The following DPYSL4 variants were observed in gnomAD, a reference collection of about 807,000 sequenced individuals.
DPYSL4 encodes the protein dihydropyrimidinase-related protein 4.
In DPYSL4, 43 loss-of-function variants were observed where a neutral mutation model predicts 63.4. The observed-to-expected ratio is 0.68, with a 90% CI of 0.53 to 0.88. DPYSL4 has a LOEUF of 0.88. Ranked by LOEUF, DPYSL4 falls within the 40% of genes least tolerant of loss-of-function variation. DPYSL4 has a pLI of 0.00. For synonymous variants in DPYSL4, 353 were observed against 331.7 expected, an observed-to-expected ratio of 1.06 and a Z score of -0.70; for missense variants, 733 against 819.5, an observed-to-expected ratio of 0.89 and a Z score of 1.29.
chr10:132,199,503 C>T (rs992809165), intron 8 of DPYSL4, among the ~76,000 whole-genome samples: 34 of 152,134 alleles, frequency 2.2e-4, no homozygotes, highest in African/African-American at 7.9e-4. Context: ...CCCCAGCAAT[C>T]ACTGGGGCTG....
At chr10:132,193,133 G>A (rs925480184) in intron 3 of DPYSL4, among the ~76,000 whole-genome samples, 7 of 152,126 alleles carry the variant, frequency 4.6e-5, no homozygotes, top group East Asian at 1.9e-4. Context: ...TCGGAGTTGG[G>A]GGTTGGAAAA....
At chr10:132,198,063 G>A (rs1029936394) in intron 6 of DPYSL4, among the ~76,000 whole-genome samples, 2 of 152,222 alleles carry the variant, frequency 1.3e-5, no homozygotes, top group African/African-American at 4.8e-5. Context: ...CTGACCTGCA[G>A]AGCCCTCCCT....
Position 132,204,945 on chromosome 10 carries a change from C to G in DPYSL4, c.*15C>G, listed in dbSNP as rs753689740. ...CTCTCTCCTAGACGCCCAGGACCGG[C>G]CCTGTGAGCCGTGCTGGCCCCACCC... is the stretch of plus-strand genomic sequence containing the variant. On this transcript the variant is annotated 3_prime_UTR_variant, in exon 14 of 14. Transcript: ENST00000338492. The G allele has an allele frequency of 3.7e-6, 6 of 1,602,594 alleles. No individual in the cohort carries two copies. The East Asian group carries it at 1.3e-4, about 36-fold the overall frequency.
intron 1 of DPYSL4, among the ~76,000 whole-genome samples, chr10:132,187,626 C>T (rs1012504785): frequency 1.3e-5 from 2 of 152,216 alleles, no homozygotes; most frequent in African/African-American, 2.4e-5. Context: ...GCTCTTTGTC[C>T]GAGACAAAGC....
intron 3 of DPYSL4, 78 bp downstream of exon 3, chr10:132,192,920 G>A: frequency 1.4e-6 from 2 of 1,438,312 alleles, no homozygotes; most frequent in Non-Finnish European, 1.9e-6. Flanking sequence ...GTGTGTGGGA[G>A]GAGGAGTGTC....
Position 132,198,890 on chromosome 10 carries a change from A to T in DPYSL4, c.730A>T (p.Lys244Ter). The change falls in exon 8 of 14, where the codon AAG becomes TAG. Residue 244 changes from lysine to a stop codon, truncating the protein, a stop_gained. Coordinates refer to ENST00000338492, the MANE Select transcript of DPYSL4 (RefSeq NM_006426.3). LOFTEE classifies it high-confidence loss of function. ...GGTGTACCGAGCTGTCACCATCGCCAAGCAGGCAAACTGCCCGCTGTACGT... is the reference window on the plus strand; with the variant it reads ...GGTGTACCGAGCTGTCACCATCGCCTAGCAGGCAAACTGCCCGCTGTACGT... ...EAVYRAVTIA[K>*]QANCPLYVTK... 1.9e-6 allele frequency: 3 copies of T among 1,612,986 alleles called. No individual in the cohort carries two copies. Among genetic ancestry groups the T allele is most frequent in the African/African-American group, 1.3e-5 (1 of 75,056 alleles).
At chr10:132,188,211 G>A (rs932404306) in intron 1 of DPYSL4, among the ~76,000 whole-genome samples, 1 of 152,150 alleles carries the variant, frequency 6.6e-6, no homozygotes, top group African/African-American at 2.4e-5. Flanking sequence ...AGTGCGGAGG[G>A]GCAGCTGCTT....
intron 6 of DPYSL4, among the ~76,000 whole-genome samples, 194 bp downstream of exon 6, chr10:132,197,295 G>A (rs761325271): frequency 3.9e-5 from 6 of 152,224 alleles, no homozygotes; most frequent in Non-Finnish European, 8.8e-5. Flanking sequence ...AGAGACTGGG[G>A]GGTGATGGGG....
At chr10:132,200,619 C>G in intron 9 of DPYSL4, 107 bp downstream of exon 9, 3 of 1,453,000 alleles carry the variant, frequency 2.1e-6, no homozygotes, top group Non-Finnish European at 2.8e-6. Flanking sequence ...TAGGGCAGCC[C>G]GGACAGTGGC....
rs994592559 is a variant in DPYSL4 at position 132,203,870 on chromosome 10, G to A, written c.1570G>A (p.Gly524Ser). ...CGCTCCGGCCCGCGCGTCCTGCCCA[G>A]GCAAGATCTCCGTCCCTCCTGTGCG... ...SGAPARASCP[G>S]KISVPPVRNL... The change falls in exon 13 of 14, where the codon GGC (glycine) becomes AGC (serine). Residue 524 changes from glycine (G) to serine (S), a missense_variant. By Grantham distance (56) the Gly-to-Ser change is moderately conservative. Coordinates refer to ENST00000338492, the MANE Select transcript of DPYSL4 (RefSeq NM_006426.3). The A allele has an allele frequency of 8.7e-6, 14 of 1,613,062 alleles. No homozygotes were observed. The highest frequency in any genetic ancestry group is 2.2e-5 in the East Asian group (1 of 44,862).
chr10:132,194,902 G>A lies in DPYSL4; in HGVS notation c.371G>A (p.Arg124Gln), dbSNP rs775228286. The A allele has an allele frequency of 1.7e-5, 27 of 1,612,552 alleles. No individual in the cohort carries two copies. Among genetic ancestry groups the A allele is most frequent in the Middle Eastern group, 1.6e-4 (1 of 6,078 alleles). ...CTGCTGGCGGCCTACGAGCAGTGGC[G>A]GGAGCGGGCGGACAGCGCGGCCTGC... Reference protein sequence around the residue: ...VSLLAAYEQWRERADSAACCD... With the variant: ...VSLLAAYEQWQERADSAACCD... Residue 124 changes from arginine to glutamine, a missense_variant, in exon 4 of 14, where the codon CGG becomes CAG. Arg to Gln is a conservative substitution (Grantham distance 43). Transcript: ENST00000338492.
chr10:132,192,369 C>G, intron 2 of DPYSL4: 2 of 1,065,192 alleles, frequency 1.9e-6, no homozygotes, highest in African/African-American at 3.3e-5. Context: ...GTTTGTCAAG[C>G]TGCTCCGTCC....
chr10:132,199,415 T>C (rs1590101637), intron 8 of DPYSL4, among the ~76,000 whole-genome samples: 1 of 150,806 alleles, frequency 6.6e-6, no homozygotes, highest in Non-Finnish European at 1.5e-5. Flanking sequence ...GGCGGGGGGG[T>C]GCCACCCAGA....
At chr10:132,199,214 C>T (rs751816453) in intron 8 of DPYSL4, among the ~76,000 whole-genome samples, 8 of 152,138 alleles carry the variant, frequency 5.3e-5, no homozygotes, top group African/African-American at 1.7e-4. Flanking sequence ...AACATGGGGA[C>T]GCTCATCCCA....
chr10:132,204,869 G>T lies in DPYSL4; in HGVS notation c.1658G>T (p.Arg553Leu). The part of the protein sequence containing the change: ...GSQADDHIAR[R>L]TAQKIMAPPG... Reference sequence around the variant, plus strand: ...CAGGCTGATGACCACATCGCCCGACGCACAGCACAGAAGATCATGGCACCA... The same window carrying T: ...CAGGCTGATGACCACATCGCCCGACTCACAGCACAGAAGATCATGGCACCA... The change falls in exon 14 of 14, where the codon CGC becomes CTC. Residue 553 changes from arginine (R) to leucine (L), a missense_variant. Arg to Leu is a moderately radical substitution (Grantham distance 102, BLOSUM62 -2). Transcript: ENST00000338492. The T allele has an allele frequency of 6.2e-7, 1 of 1,612,506 alleles. No homozygotes were observed. The highest frequency in any genetic ancestry group is 8.5e-7 in the Non-Finnish European group (1 of 1,179,184).
rs1213891339 is a variant in DPYSL4 at position 132,194,995 on chromosome 10, T to C, written c.464T>C (p.Leu155Pro). The change falls in exon 4 of 14, where the codon CTG (leucine) becomes CCG (proline). Residue 155 changes from leucine to proline, a missense_variant. Leu to Pro is a moderately conservative substitution (Grantham distance 98, BLOSUM62 -3). Transcript: ENST00000338492. ...AGCATCAAGGAGGAGCTGGAGGCCCTGGTCAAGGAGAAGGGTGAGGGTGGC... is the reference window on the plus strand; with the variant it reads ...AGCATCAAGGAGGAGCTGGAGGCCCCGGTCAAGGAGAAGGGTGAGGGTGGC... ...HESIKEELEALVKEKGVNSFL... is the reference protein window; with the variant it reads ...HESIKEELEAPVKEKGVNSFL... 7 of 1,604,614 alleles carry C rather than the reference T, an allele frequency of 4.4e-6. No individual in the cohort carries two copies. Among genetic ancestry groups the C allele is most frequent in the Non-Finnish European group, 5.9e-6 (7 of 1,179,650 alleles).
At chr10:132,194,238 G>T (rs543013504) in intron 3 of DPYSL4, among the ~76,000 whole-genome samples, 1 of 152,240 alleles carries the variant, frequency 6.6e-6, no homozygotes, top group African/African-American at 2.4e-5. Flanking sequence ...TGGCGGGTGC[G>T]CCCTCCTGTC....
chr10:132,193,371 G>A (rs1024990148), intron 3 of DPYSL4, among the ~76,000 whole-genome samples: 7 of 152,242 alleles, frequency 4.6e-5, no homozygotes, highest in East Asian at 1.9e-4. Flanking sequence ...CTGCGTGCCC[G>A]GCACGGGCTC....
intron 3 of DPYSL4, among the ~76,000 whole-genome samples, chr10:132,193,654 G>A (rs2061905624): frequency 6.6e-6 from 1 of 152,236 alleles, no homozygotes; most frequent in African/African-American, 2.4e-5. Flanking sequence ...GCTGAACCTG[G>A]TTGTATGGTT....
Sources: allele counts gnomAD v4.1 joint callset (sites outside exome capture counted in the v4.1 genomes callset), GRCh38; gene constraint gnomAD v4.1.1; transcripts MANE v1.5; gene names NCBI Gene and HGNC (gene_info 2026-07-23, HGNC 2026-07-21).